Variants in FLACC1 observed in about 807,000 individuals in gnomAD.
FLACC1 encodes the protein flagellum-associated coiled-coil domain-containing protein 1.
Under a neutral mutation model 62.8 loss-of-function variants are expected in FLACC1, and 66 were observed. The observed-to-expected ratio is 1.05, with a 90% CI of 0.86 to 1.29. The LOEUF (loss-of-function observed/expected upper bound fraction) is 1.29. FLACC1 is among the 50% of genes most tolerant of loss of function. The pLI is 0.00. For synonymous variants in FLACC1, 156 were observed against 161.0 expected (o/e 0.97, Z 0.24); for missense variants, 452 against 489.1 (o/e 0.92, Z 0.71).
intron 9 of FLACC1, among the ~76,000 whole-genome samples, chr2:201,322,323 C>A (rs1178400917): frequency 6.6e-6 from 1 of 150,928 alleles, no homozygotes; most frequent in African/African-American, 2.4e-5. Context: ...GGGCATGCCA[C>A]AGGGGAATGA....
At chr2:201,289,619 G>A in intron 13 of FLACC1, 53 bp from the exon 14 acceptor site, 1 of 1,611,614 alleles carries the variant, frequency 6.2e-7, no homozygotes, top group Non-Finnish European at 8.5e-7. Flanking sequence ...GCCATCCAGG[G>A]CAGAGCTATA....
chr2:201,289,521 CA>C lies in FLACC1; in HGVS notation c.1077del (p.Phe359LeufsTer15). On this transcript the variant is annotated frameshift_variant, in exon 14 of 15. Transcript: ENST00000392257. LOFTEE classifies it high-confidence loss of function. ...GNLEKMLQTKFAETEEKYKHT... is the reference protein window; with the variant it reads ...GNLEKMLQTKXAETEEKYKHT... ...TGCTTATACTTTTCTTCAGTTTCAG[CA>C]AACTTGGTTTGAAGCATTTTCTCCA... 1 of 1,614,224 alleles carries C rather than the reference CA, an allele frequency of 6.2e-7. No homozygotes were observed. Among genetic ancestry groups the C allele is most frequent in the Non-Finnish European group, 8.5e-7 (1 of 1,180,044 alleles).
chr2:201,290,217 A>G (rs1025470514), intron 12 of FLACC1, among the ~76,000 whole-genome samples: 3 of 152,204 alleles, frequency 2.0e-5, no homozygotes, highest in Non-Finnish European at 2.9e-5. Context: ...GATACATGAC[A>G]TGACATATTA....
At chr2:201,358,578 G>A (rs1168620213), upstream of FLACC1, among the ~76,000 whole-genome samples, 2 of 151,624 alleles carry the variant, frequency 1.3e-5, no homozygotes, top group Non-Finnish European at 1.5e-5. Flanking sequence ...CACTACGCCC[G>A]GCTAATTTTT....
the FLACC1 span, among the ~76,000 whole-genome samples, chr2:201,363,683 G>A: frequency 6.6e-6 from 1 of 152,224 alleles, no homozygotes; most frequent in East Asian, 1.9e-4. Context: ...GGCATTTAGA[G>A]CACTCACTTG....
At chr2:201,350,134 C>T (rs1297200546) in intron 3 of FLACC1, among the ~76,000 whole-genome samples, 1 of 152,148 alleles carries the variant, frequency 6.6e-6, no homozygotes, top group African/African-American at 2.4e-5. Flanking sequence ...GACTGTAATC[C>T]CAGCACTTTG....
At chr2:201,342,815 G>A (rs1040414440) in intron 6 of FLACC1, among the ~76,000 whole-genome samples, 1 of 152,204 alleles carries the variant, frequency 6.6e-6, no homozygotes, top group Non-Finnish European at 1.5e-5. Context: ...GCTTGGCTTG[G>A]AAGAGCCAAG....
intron 9 of FLACC1, among the ~76,000 whole-genome samples, chr2:201,320,435 G>A (rs753184767): frequency 3.3e-5 from 5 of 152,230 alleles, no homozygotes; most frequent in Non-Finnish European, 7.3e-5. Flanking sequence ...TATATGACTC[G>A]GGACAGTTGC....
intron 9 of FLACC1, among the ~76,000 whole-genome samples, chr2:201,320,351 C>G (rs13388200): frequency 6.6e-6 from 1 of 152,228 alleles, no homozygotes; most frequent in African/African-American, 2.4e-5. Flanking sequence ...AGTGCAGGAA[C>G]TGGGTGCCTG....
upstream of FLACC1, among the ~76,000 whole-genome samples, chr2:201,358,439 C>T (rs1393233754): frequency 5.1e-5 from 6 of 116,740 alleles, no homozygotes; most frequent in African/African-American, 1.8e-4. Flanking sequence ...TTTTTTGAGA[C>T]GGAGTCTCGC....
At chr2:201,341,021 A>C (rs1380345139) in intron 7 of FLACC1, among the ~76,000 whole-genome samples, 1 of 152,068 alleles carries the variant, frequency 6.6e-6, no homozygotes, top group East Asian at 1.9e-4. Flanking sequence ...TGATGCTCTC[A>C]GAATTTTTGC....
At chr2:201,343,080 T>TGGAGAA (rs1369593170) in intron 6 of FLACC1, among the ~76,000 whole-genome samples, 2 of 152,132 alleles carry the variant, frequency 1.3e-5, no homozygotes. Flanking sequence ...CCAGGGACTG[T>TGGAGAA]GTCACACAAC....
In FLACC1 at chr2:201,288,713, A is replaced by G. The variant is rs934233568; in HGVS notation, c.1211T>C (p.Val404Ala). The G allele has an allele frequency of 4.3e-6, 7 of 1,613,924 alleles. No individual in the cohort carries two copies. Among genetic ancestry groups the G allele is most frequent in the Non-Finnish European group, 5.9e-6 (7 of 1,179,990 alleles). Residue 404 changes from valine (V) to alanine (A), a missense_variant, in exon 15 of 15, where the codon GTT becomes GCT. Around this residue, in one of 3 missense-constraint regions of FLACC1, gnomAD observed 301 missense variants for 318.4 expected, o/e 0.95. Coordinates refer to ENST00000392257, the MANE Select transcript of FLACC1 (RefSeq NM_001127391.3). The part of the protein sequence containing the change: ...GCSGRLASIT[V>A]SKDDSDTVQD... ...CACAGTGTCAGAATCATCCTTAGAA[A>G]CAGTAATAGAGGCCAATCTCCCAGA...
At chr2:201,298,298 A>C (rs1949908396) in intron 12 of FLACC1, among the ~76,000 whole-genome samples, 1 of 152,210 alleles carries the variant, frequency 6.6e-6, no homozygotes, top group African/African-American at 2.4e-5. Context: ...GAAAGGATCA[A>C]ACTGTTTCCA....
chr2:201,305,683 C>G (rs1446702161), intron 11 of FLACC1, among the ~76,000 whole-genome samples: 8 of 152,162 alleles, frequency 5.3e-5, no homozygotes, highest in Non-Finnish European at 1.2e-4. Flanking sequence ...TGGAACCAAC[C>G]AAAATGTCCA....
intron 12 of FLACC1, among the ~76,000 whole-genome samples, chr2:201,290,028 T>C (rs1188391441): frequency 6.6e-6 from 1 of 152,130 alleles, no homozygotes; most frequent in Non-Finnish European, 1.5e-5. Flanking sequence ...ACTAAGCAAG[T>C]CTTTATTAAA....
chr2:201,295,591 A>G (rs1482945827), intron 12 of FLACC1, among the ~76,000 whole-genome samples: 2 of 152,232 alleles, frequency 1.3e-5, no homozygotes, highest in East Asian at 3.8e-4. Flanking sequence ...CATTCAGGAC[A>G]TAGGCATGGG....
At chr2:201,334,271 T>G in intron 7 of FLACC1, among the ~76,000 whole-genome samples, 1 of 152,214 alleles carries the variant, frequency 6.6e-6, no homozygotes, top group East Asian at 1.9e-4. Flanking sequence ...AGGTATCACA[T>G]TTATTGATTT....
intron 6 of FLACC1, 62 bp from the exon 7 acceptor site, chr2:201,342,493 C>A: frequency 6.4e-7 from 1 of 1,554,138 alleles, no homozygotes; most frequent in Non-Finnish European, 8.9e-7. Flanking sequence ...CTGATCTGCA[C>A]CTTCTGAAAA....
Sources: gnomAD v4.1 joint callset for allele counts (sites outside exome capture counted in the v4.1 genomes callset) on GRCh38, gnomAD v4.1.1 for gene constraint, gnomAD v4.1.1 regional missense constraint, MANE v1.5 for transcripts, NCBI Gene and HGNC (gene_info 2026-07-23, HGNC 2026-07-21) for gene names.